NAA16: variants seen among roughly 807,000 people sequenced by gnomAD.
NAA16 encodes the protein NARG1-like protein.
In NAA16, 97 loss-of-function variants were observed where a neutral mutation model predicts 110.3. The ratio of observed to expected loss-of-function variants is 0.88; its 90% CI spans 0.75 to 1.04. NAA16 has a LOEUF of 1.04. Among genes scored for constraint, NAA16 ranks in the 50% least tolerant of loss-of-function variants. The pLI is 0.00. For synonymous variants in NAA16, 372 were observed against 330.6 expected (o/e 1.13, Z -1.36); for missense variants, 1,017 against 1,005.1 (o/e 1.01, Z -0.16).
In NAA16 at chr13:41,358,392, G is replaced by C; in HGVS notation, c.1176G>C (p.Leu392Phe). The C allele has an allele frequency of 6.2e-7, 1 of 1,613,498 alleles. No homozygotes were observed. Among genetic ancestry groups the C allele is most frequent in the East Asian group, 2.2e-5 (1 of 44,844 alleles). Residue 392 changes from leucine (L) to phenylalanine (F), a missense_variant, in exon 11 of 20, where the codon TTG (leucine) becomes TTC (phenylalanine). Transcript: ENST00000379406. The part of the protein sequence containing the change: ...QHFDKLGQYS[L>F]ALDYINAAIA... ...TTGATAAACTTGGACAGTATTCTTTGGCTTTGGATTATATTAATGCTGCAA... is the reference window on the plus strand; with the variant it reads ...TTGATAAACTTGGACAGTATTCTTTCGCTTTGGATTATATTAATGCTGCAA...
In NAA16 at chr13:41,318,837, C is replaced by T. The variant is rs552067362; in HGVS notation, c.171C>T (p.Asn57=). The T allele has an allele frequency of 6.3e-7, 1 of 1,597,414 alleles. No individual in the cohort carries two copies. The highest frequency in any genetic ancestry group is 1.3e-5 in the African/African-American group (1 of 74,082). ...ETLAMKGLTL[N]CLGKKEEAYE... ...TGGCTATGAAAGGATTAACACTGAA[C>T]TGTTTAGGAAAAAAAGAAGAAGCTT... The change falls in exon 3 of 20, where the codon AAC becomes AAT. Residue 57 remains asparagine (N), a synonymous_variant. Coordinates refer to ENST00000379406, the MANE Select transcript of NAA16 (RefSeq NM_024561.5).
At chr13:41,323,306 T>C (rs1446948267) in intron 5 of NAA16, 116 bp downstream of exon 5, 13 of 999,576 alleles carry the variant, frequency 1.3e-5, no homozygotes, top group Non-Finnish European at 1.9e-5. Context: ...GGGAAAACTT[T>C]TTGACGTAAT....
intron 9 of NAA16, among the ~76,000 whole-genome samples, chr13:41,342,130 CCT>C (rs542884744): frequency 6.8e-5 from 10 of 147,636 alleles, no homozygotes; most frequent in Admixed American, 5.4e-4. Flanking sequence ...CCGCACCGGG[CCT>C]CTCTCTCTCT....
intron 13 of NAA16, 131 bp downstream of exon 13, chr13:41,362,290 A>G: frequency 1.1e-6 from 1 of 888,264 alleles, no homozygotes; most frequent in Non-Finnish European, 1.6e-6. Context: ...TTGATCTTTA[A>G]CCTTTACATT....
At chr13:41,374,503 T>A in intron 18 of NAA16, 4 of 301,274 alleles carry the variant, frequency 1.3e-5, no homozygotes, top group Non-Finnish European at 2.5e-5. Flanking sequence ...AGGAAGAAGC[T>A]CTGATTTGTA....
chr13:41,335,013 A>G (rs2042341505), intron 8 of NAA16, among the ~76,000 whole-genome samples: 1 of 152,182 alleles, frequency 6.6e-6, no homozygotes, highest in African/African-American at 2.4e-5. Flanking sequence ...TTAGTCCTGG[A>G]TCAGCACTTC....
intron 9 of NAA16, among the ~76,000 whole-genome samples, chr13:41,339,254 C>T (rs541022719): frequency 2.2e-4 from 34 of 152,250 alleles, no homozygotes; most frequent in Non-Finnish European, 2.1e-4. Flanking sequence ...AATCTCCTGC[C>T]TCAGCCTCCC....
At chr13:41,325,903 ATATATT>A in intron 6 of NAA16, 52 bp downstream of exon 6, 1 of 1,437,888 alleles carries the variant, frequency 7.0e-7, no homozygotes, top group Non-Finnish European at 9.5e-7. Context: ...CAAAAAAACT[ATATATT>A]TTATTCTCTC....
intron 9 of NAA16, among the ~76,000 whole-genome samples, chr13:41,345,470 G>GT (rs2042657052): frequency 1.3e-5 from 2 of 152,226 alleles, no homozygotes; most frequent in East Asian, 3.9e-4. Context: ...CTTTGTATAT[G>GT]TTCTTTGGGG....
At position 41,366,762 on chromosome 13, in the gene NAA16, GA is replaced by G. The variant is rs1345290007; in HGVS notation, c.1540-673del. ...TGTATTTATATAACAGTTTACTGTT[GA>G]AAATGAACTTTAAAATACATTATTT... On this transcript the variant is annotated intron_variant, in intron 13 of 19. Transcript: ENST00000379406. Among the ~76,000 whole-genome samples, 4 of 152,138 alleles carry G rather than the reference GA, an allele frequency of 2.6e-5. No homozygotes were observed. The East Asian group carries it at 7.7e-4, about 29-fold the overall frequency.
At chr13:41,355,877 T>G (rs1405879756) in intron 10 of NAA16, among the ~76,000 whole-genome samples, 1 of 152,366 alleles carries the variant, frequency 6.6e-6, no homozygotes, top group East Asian at 1.9e-4. Flanking sequence ...CCTCTTTAGT[T>G]TGGTCCTTTG....
chr13:41,329,950 C>T (rs906344443), intron 7 of NAA16, among the ~76,000 whole-genome samples: 11 of 151,864 alleles, frequency 7.2e-5, no homozygotes, highest in Middle Eastern at 3.2e-3. Flanking sequence ...TTTCCTTCCC[C>T]GTGGTAAGTT....
intron 9 of NAA16, among the ~76,000 whole-genome samples, chr13:41,343,872 C>G (rs2042617243): frequency 6.6e-6 from 1 of 151,574 alleles, no homozygotes; most frequent in Non-Finnish European, 1.5e-5. Flanking sequence ...TGGGGTCTCA[C>G]TGTTGCCCAG....
At position 41,341,752 on chromosome 13, in the gene NAA16, A is replaced by G. The variant is rs187676487; in HGVS notation, c.1014+4996A>G. On this transcript the variant is annotated intron_variant, in intron 9 of 19. Coordinates refer to ENST00000379406, the MANE Select transcript of NAA16 (RefSeq NM_024561.5). ...TAAGAACATCTCCTACTTTTAGAGA[A>G]TAACTGTTAAGTACTTGAAGTGCAC... is the stretch of plus-strand genomic sequence containing the variant. Among the ~76,000 whole-genome samples, 29 of 152,326 alleles carry G rather than the reference A, an allele frequency of 1.9e-4. No individual in the cohort carries two copies. In the East Asian group the frequency reaches 3.3e-3, roughly 17 times the overall value.
In NAA16 at chr13:41,325,815, C is replaced by A; in HGVS notation, c.655C>A (p.Gln219Lys). 2 of 1,604,000 alleles carry A rather than the reference C, an allele frequency of 1.2e-6. No individual in the cohort carries two copies. Among genetic ancestry groups the A allele is most frequent in the Admixed American group, 1.7e-5 (1 of 58,990 alleles). ...SLEHIEMYEKQICDKLLVEEI... is the reference protein window; with the variant it reads ...SLEHIEMYEKKICDKLLVEEI... ...GGAACATATAGAAATGTATGAGAAA[C>A]AAATATGTGATAAACTTTTGGTGGA... Residue 219 changes from glutamine (Q) to lysine (K), a missense_variant, in exon 6 of 20, where the codon CAA becomes AAA. Gln to Lys is a moderately conservative substitution (Grantham distance 53). Coordinates refer to ENST00000379406, the MANE Select transcript of NAA16 (RefSeq NM_024561.5).
chr13:41,324,944 C>T, intron 5 of NAA16, among the ~76,000 whole-genome samples: 1 of 126,022 alleles, frequency 7.9e-6, no homozygotes, highest in Non-Finnish European at 1.6e-5. Context: ...GTTAATATAA[C>T]TTTTTTAGTT....
Position 41,358,352 on chromosome 13 carries a change from T to C in NAA16, c.1136T>C (p.Phe379Ser), listed in dbSNP as rs779745028. The change falls in exon 11 of 20, where the codon TTC (phenylalanine) becomes TCC (serine). Residue 379 changes from phenylalanine (F) to serine (S), a missense_variant. Physicochemically the swap from Phe to Ser is radical, Grantham distance 155. Coordinates refer to ENST00000379406, the MANE Select transcript of NAA16 (RefSeq NM_024561.5). ...ACAACACTACTCTGGGTTCAGTATT[T>C]CCTGGCACAGCACTTTGATAAACTT... is the stretch of plus-strand genomic sequence containing the variant. ...PPTTLLWVQY[F>S]LAQHFDKLGQ... 1 of 1,614,078 alleles carries C rather than the reference T, an allele frequency of 6.2e-7. No individual in the cohort carries two copies. Among genetic ancestry groups the C allele is most frequent in the Non-Finnish European group, 8.5e-7 (1 of 1,179,950 alleles).
Position 41,369,208 on chromosome 13 carries a change from AAAG to A in NAA16, c.1875_1877del (p.Lys627del), listed in dbSNP as rs776796213. 2 of 1,598,362 alleles carry A rather than the reference AAAG, an allele frequency of 1.3e-6. No homozygotes were observed. Among genetic ancestry groups the A allele is most frequent in the East Asian group, 2.2e-5 (1 of 44,704 alleles). On this transcript the variant is annotated inframe_deletion, in exon 15 of 20. Transcript: ENST00000379406. ...AAAGAGAACGTCAACAGAAAAATCA[AAAG>A]AAAAAAAGAGATGAAGAAGAAGAAG...
At chr13:41,372,703 C>A in intron 16 of NAA16, 29 bp from the exon 17 acceptor site, 1 of 1,570,936 alleles carries the variant, frequency 6.4e-7, no homozygotes, top group Non-Finnish European at 8.6e-7. Context: ...AGTATTAATG[C>A]TATTACTTTT....
Sources: allele counts gnomAD v4.1 joint callset (sites outside exome capture counted in the v4.1 genomes callset), GRCh38; gene constraint gnomAD v4.1.1; transcripts MANE v1.5; gene names NCBI Gene and HGNC (gene_info 2026-07-23, HGNC 2026-07-21).